The following ARGFX variants were observed in gnomAD, a reference collection of about 807,000 sequenced individuals.
ARGFX encodes the protein arginine-fifty homeobox.
Under a neutral mutation model 8.0 loss-of-function variants are expected in ARGFX, and 10 were observed. That is an observed-to-expected ratio of 1.25 (90% CI 0.77 to 2.12). ARGFX has a LOEUF of 2.12. Among genes scored for constraint, ARGFX ranks in the 30% most tolerant of loss-of-function variants. The pLI is 0.00. For synonymous variants in ARGFX, 116 were observed against 117.8 expected (o/e 0.98, Z 0.10); for missense variants, 282 against 324.3 (o/e 0.87, Z 1.00).
chr3:121,582,512 TAA>T (rs1028480598), intron 3 of ARGFX, among the ~76,000 whole-genome samples: 5 of 152,182 alleles, frequency 3.3e-5, no homozygotes, highest in African/African-American at 1.2e-4. Context: ...TAAGATATTA[TAA>T]GTTTAGAAAT....
intron 1 of ARGFX, among the ~76,000 whole-genome samples, 163 bp downstream of exon 1, chr3:121,568,176 AGACT>A (rs2048684707): frequency 1.3e-5 from 2 of 152,208 alleles, no homozygotes; most frequent in African/African-American, 2.4e-5. Flanking sequence ...AAGGTCAGAA[AGACT>A]GACTGTTCAC....
intron 3 of ARGFX, among the ~76,000 whole-genome samples, chr3:121,580,608 T>TATA (rs1472341725): frequency 9.7e-4 from 104 of 107,260 alleles, no homozygotes; most frequent in African/African-American, 3.2e-3. Context: ...ATATATATAT[T>TATA]TTTTTTTTTT....
At chr3:121,570,005 C>T (rs759496798) in intron 1 of ARGFX, among the ~76,000 whole-genome samples, 1 of 152,190 alleles carries the variant, frequency 6.6e-6, no homozygotes, top group African/African-American at 2.4e-5. Context: ...GTAAACAAAA[C>T]AAAACCAGTA....
chr3:121,580,913 GT>G (rs370483146), intron 3 of ARGFX, among the ~76,000 whole-genome samples: 2 of 152,024 alleles, frequency 1.3e-5, no homozygotes, highest in Admixed American at 6.6e-5. Context: ...TCATCTATAT[GT>G]TTTTTATTTA....
rs149089777 is a variant in ARGFX, at chr3:121,590,503, C to T, written c.*3903C>T. Among the ~76,000 whole-genome samples the T allele has an allele frequency of 6.8e-6, 1 of 147,886 alleles. No homozygotes were observed. The highest frequency in any genetic ancestry group is 2.5e-5 in the African/African-American group (1 of 40,416). ...TCTCTCTTACCTCCTCCTCTCCCTT[C>T]CTTCTGCCATGGGAGGATGAAACAT... On this transcript the variant is annotated 3_prime_UTR_variant, in exon 5 of 5. Coordinates refer to ENST00000334384, the MANE Select transcript of ARGFX (RefSeq NM_001012659.2).
intron 1 of ARGFX, among the ~76,000 whole-genome samples, chr3:121,569,206 CTATT>C (rs1043549358): frequency 2.0e-5 from 3 of 152,090 alleles, no homozygotes; most frequent in Non-Finnish European, 2.9e-5. Flanking sequence ...ATGCATTACT[CTATT>C]GAAGTGTAAG....
In ARGFX at chr3:121,589,536, C is replaced by A. The variant is rs2048833566; in HGVS notation, c.*2936C>A. Among the ~76,000 whole-genome samples, 1 of 151,998 alleles carries A rather than the reference C, an allele frequency of 6.6e-6. No individual in the cohort carries two copies. ...GGACTACAGGTGTACGCCACCACAC[C>A]CAGCTAATTTTTGTATTTTTAGTAG... On this transcript the variant is annotated 3_prime_UTR_variant, in exon 5 of 5. Transcript: ENST00000334384.
rs951870319 is a variant in ARGFX, at chr3:121,589,731, C to T, written c.*3131C>T. ...AGACAACAACAAAAGGAACAACTAA[C>T]CTGAAATATATAATAACTTTGAACT... On this transcript the variant is annotated 3_prime_UTR_variant, in exon 5 of 5. Transcript: ENST00000334384. Among the ~76,000 whole-genome samples, 12 of 152,004 alleles carry T rather than the reference C, an allele frequency of 7.9e-5. No individual in the cohort carries two copies. The highest frequency in any genetic ancestry group is 2.7e-4 in the African/African-American group (11 of 41,376).
Position 121,589,124 on chromosome 3 carries a change from G to A in ARGFX, c.*2524G>A, listed in dbSNP as rs569971059. 6.6e-6 allele frequency among the ~76,000 whole-genome samples: 1 copy of A among 152,266 alleles called. No homozygotes were observed. Among genetic ancestry groups the A allele is most frequent in the Non-Finnish European group, 1.5e-5 (1 of 68,028 alleles). ...ACAGAGGTCGAGGCTGCAGTGAGCT[G>A]TGACTGTGCCACTGCACTCCAGCTT... On this transcript the variant is annotated 3_prime_UTR_variant, in exon 5 of 5. Transcript: ENST00000334384.
chr3:121,576,298 T>C (rs1267515446), intron 2 of ARGFX, among the ~76,000 whole-genome samples: 3 of 152,144 alleles, frequency 2.0e-5, no homozygotes, highest in Non-Finnish European at 4.4e-5. Context: ...GTGGTTTGGA[T>C]GGTCCAGTGG....
intron 3 of ARGFX, among the ~76,000 whole-genome samples, chr3:121,581,170 G>T (rs2048778002): frequency 6.6e-6 from 1 of 152,108 alleles, no homozygotes; most frequent in South Asian, 2.1e-4. Context: ...GTTTCGCCAT[G>T]TTGGCTAGGC....
At chr3:121,581,795 C>T (rs1028441751) in intron 3 of ARGFX, among the ~76,000 whole-genome samples, 4 of 151,824 alleles carry the variant, frequency 2.6e-5, no homozygotes, top group Admixed American at 1.3e-4. Context: ...CCCAGCTACT[C>T]GGGAGGCTGA....
chr3:121,585,698 T>C (rs1206012692), intron 4 of ARGFX, among the ~76,000 whole-genome samples: 1 of 152,026 alleles, frequency 6.6e-6, no homozygotes, highest in Non-Finnish European at 1.5e-5. Flanking sequence ...TCCTTAAAAA[T>C]CCTTCAGTTC....
In ARGFX at chr3:121,590,564, G is replaced by A. The variant is rs1487456539; in HGVS notation, c.*3964G>A. ...GCCAGGTGTGGCCCCTCCATCTTCC[G>A]TCTGAGACTGGAAGACTTCCCAGCC... On this transcript the variant is annotated 3_prime_UTR_variant, in exon 5 of 5. Transcript: ENST00000334384. 1.3e-5 allele frequency among the ~76,000 whole-genome samples: 2 copies of A among 149,934 alleles called. No individual in the cohort carries two copies. The highest frequency in any genetic ancestry group is 2.0e-4 in the East Asian group (1 of 4,982).
At position 121,586,055 on chromosome 3, in the gene ARGFX, AAGC is replaced by A. The variant is rs780223468; in HGVS notation, c.417_419del (p.Gln140del). The A allele has an allele frequency of 9.4e-6, 15 of 1,587,738 alleles. No homozygotes were observed. Among genetic ancestry groups the A allele is most frequent in the Admixed American group, 3.6e-5 (2 of 54,972 alleles). On this transcript the variant is annotated inframe_deletion, in exon 5 of 5. Coordinates refer to ENST00000334384, the MANE Select transcript of ARGFX (RefSeq NM_001012659.2). ...CAGGAACCGGCGATTCAAATTGAAG[AAGC>A]AGCAGCAGCAGCAATCAGCAAAGCA...
chr3:121,571,104 TCTC>T (rs2048705575), intron 2 of ARGFX, among the ~76,000 whole-genome samples: 1 of 152,102 alleles, frequency 6.6e-6, no homozygotes. Context: ...AACTGAGAAA[TCTC>T]CTTTTCCAAG....
chr3:121,573,395 C>T (rs529519628), intron 2 of ARGFX, among the ~76,000 whole-genome samples: 3 of 151,568 alleles, frequency 2.0e-5, no homozygotes, highest in Admixed American at 1.3e-4. Flanking sequence ...GTGGGAGAAT[C>T]GCTTGAACTT....
chr3:121,581,466 A>C (rs1251591540), intron 3 of ARGFX, among the ~76,000 whole-genome samples: 1 of 152,236 alleles, frequency 6.6e-6, no homozygotes, highest in East Asian at 1.9e-4. Flanking sequence ...TAGATGCTAA[A>C]TATTTCATGA....
chr3:121,584,134 G>A (rs574920664), intron 3 of ARGFX, among the ~76,000 whole-genome samples: 11 of 151,648 alleles, frequency 7.3e-5, no homozygotes, highest in African/African-American at 2.4e-4. Flanking sequence ...AACTATGATC[G>A]TGCCACAGCA....
Sources: allele counts gnomAD v4.1 joint callset (sites outside exome capture counted in the v4.1 genomes callset), GRCh38; gene constraint gnomAD v4.1.1; transcripts MANE v1.5; gene names NCBI Gene and HGNC (gene_info 2026-07-23, HGNC 2026-07-21).